CFAP69: variants seen among roughly 807,000 people sequenced by gnomAD.
CFAP69 encodes the protein cilia- and flagella-associated protein 69.
CFAP69 carries 92 observed loss-of-function variants against 123.0 expected under a neutral mutation model. The ratio of observed to expected loss-of-function variants is 0.75; its 90% confidence interval spans 0.63 to 0.89. The LOEUF (loss-of-function observed/expected upper bound fraction) is 0.89, where lower values mean the gene tolerates loss of function less well. Ranked by LOEUF, CFAP69 falls within the 40% of genes least tolerant of loss-of-function variation. The pLI is 0.00. For missense variants in CFAP69, 1,067 were observed against 1,096.9 expected (o/e 0.97, Z 0.39); for synonymous variants, 380 against 364.3 (o/e 1.04, Z -0.49).
At chr7:90,278,559 G>A (rs932109993) in intron 11 of CFAP69, among the ~76,000 whole-genome samples, 2 of 151,830 alleles carry the variant, frequency 1.3e-5, no homozygotes, top group Non-Finnish European at 2.9e-5. Context: ...ATTAAAATTA[G>A]ACCTATAAAG....
chr7:90,300,494 A>C, intron 17 of CFAP69: 4 of 747,978 alleles, frequency 5.3e-6, no homozygotes, highest in Non-Finnish European at 6.5e-6. Flanking sequence ...TATAGAGTTT[A>C]CTTTTTATAT....
intron 4 of CFAP69, among the ~76,000 whole-genome samples, chr7:90,263,558 T>C (rs568913841): frequency 1.3e-5 from 2 of 152,116 alleles, no homozygotes; most frequent in Non-Finnish European, 1.5e-5. Flanking sequence ...AGTTTTAGAG[T>C]CCTTCACTTT....
intron 15 of CFAP69, among the ~76,000 whole-genome samples, chr7:90,293,715 T>C (rs1051780027): frequency 1.3e-5 from 2 of 152,230 alleles, no homozygotes; most frequent in African/African-American, 4.8e-5. Flanking sequence ...TGGCAACTTT[T>C]GCTTTTGGCA....
downstream of CFAP69, among the ~76,000 whole-genome samples, chr7:90,314,276 AT>A (rs1448539933): frequency 7.2e-5 from 11 of 152,148 alleles, no homozygotes; most frequent in African/African-American, 2.7e-4. Flanking sequence ...TTAATATTGT[AT>A]TGGTTTCAGT....
chr7:90,303,891 TA>T (rs1162488070), intron 17 of CFAP69, 77 bp from the exon 18 acceptor site: 5 of 1,415,342 alleles, frequency 3.5e-6, no homozygotes, highest in African/African-American at 1.5e-5. Flanking sequence ...TTATCTAGAC[TA>T]AAATCTCAAA....
chr7:90,323,395 G>T, the CFAP69 span, among the ~76,000 whole-genome samples: 1 of 152,134 alleles, frequency 6.6e-6, no homozygotes, highest in African/African-American at 2.4e-5. Context: ...AGAGAAGGAA[G>T]AGAGGAAAGT....
chr7:90,297,955 G>C (rs1021785170), intron 16 of CFAP69, 125 bp downstream of exon 16: 1 of 609,910 alleles, frequency 1.6e-6, no homozygotes, highest in Non-Finnish European at 2.8e-6. Flanking sequence ...TCAAAGGTAC[G>C]GTCTTAAACA....
In CFAP69 at chr7:90,277,272, G is replaced by A; in HGVS notation, c.1093G>A (p.Glu365Lys). 1 of 1,594,030 alleles carries A rather than the reference G, an allele frequency of 6.3e-7. No individual in the cohort carries two copies. The highest frequency in any genetic ancestry group is 8.5e-7 in the Non-Finnish European group (1 of 1,171,176). ...GCTTTCTAATTCCTATGAAGATTTTGAGTTGAAGAAATTACTATTCAACGT... is the reference window on the plus strand; with the variant it reads ...GCTTTCTAATTCCTATGAAGATTTTAAGTTGAAGAAATTACTATTCAACGT... ...LKLSNSYEDF[E>K]LKKLLFNVIV... The change falls in exon 11 of 23, where the codon GAG becomes AAG. Residue 365 changes from glutamate (E) to lysine (K), a missense_variant. By Grantham distance (56) the Glu-to-Lys change is moderately conservative. Transcript: ENST00000389297.
At chr7:90,306,003 C>G (rs1325092526) in intron 19 of CFAP69, among the ~76,000 whole-genome samples, 2 of 142,870 alleles carry the variant, frequency 1.4e-5, no homozygotes, top group Admixed American at 7.2e-5. Context: ...AGTGCAGTTG[C>G]ATGATCACAG....
At chr7:90,255,311 C>T (rs1797511695) in intron 1 of CFAP69, 112 bp from the exon 2 acceptor site, 1 of 796,020 alleles carries the variant, frequency 1.3e-6, no homozygotes, top group Non-Finnish European at 2.1e-6. Context: ...ATCGTAGTGT[C>T]ATAAAACATT....
chr7:90,304,015 C>T lies in CFAP69; in HGVS notation c.2097C>T (p.Ile699=), dbSNP rs749795231. 2.6e-6 allele frequency: 4 copies of T among 1,550,922 alleles called. No homozygotes were observed. The African/African-American group carries it at 4.1e-5, about 16-fold the overall frequency. Residue 699 remains isoleucine (I), a synonymous_variant, in exon 18 of 23, where the codon ATC becomes ATT. Coordinates refer to ENST00000389297, the MANE Select transcript of CFAP69 (RefSeq NM_001039706.3). ...CTAGCTTTCAAGAAGAGCAAAAAAT[C>T]ATCCCACTGCCTGCTAACTGCCCAT... ...LFTSFQEEQK[I]IPLPANCPSI... is the part of the protein sequence containing the mutation.
chr7:90,281,885 ACTC>A (rs1359785012), intron 12 of CFAP69, among the ~76,000 whole-genome samples: 1 of 152,126 alleles, frequency 6.6e-6, no homozygotes, highest in Non-Finnish European at 1.5e-5. Flanking sequence ...TTCATAAAGA[ACTC>A]CTATATATCA....
At chr7:90,248,859 G>T (rs564750612) in intron 1 of CFAP69, among the ~76,000 whole-genome samples, 2 of 152,194 alleles carry the variant, frequency 1.3e-5, no homozygotes, top group East Asian at 3.9e-4. Flanking sequence ...CCCTTTCTGT[G>T]TCTGTTTCCT....
In CFAP69 at chr7:90,274,115, G is replaced by T; in HGVS notation, c.984+5G>T. 6.3e-7 allele frequency: 1 copy of T among 1,592,602 alleles called. No individual in the cohort carries two copies. The highest frequency in any genetic ancestry group is 1.4e-5 in the African/African-American group (1 of 73,406). On this transcript the variant is annotated splice_donor_5th_base_variant and intron_variant, in intron 9 of 22. Coordinates refer to ENST00000389297, the MANE Select transcript of CFAP69 (RefSeq NM_001039706.3). Reference sequence around the variant, plus strand: ...AATCCTGAAGCACCAATGATTGTAAGTATGAATCAAATTGCATTAATTTTA... The same window carrying T: ...AATCCTGAAGCACCAATGATTGTAATTATGAATCAAATTGCATTAATTTTA...
rs1799410082 is a variant in CFAP69, at chr7:90,268,091, G to A, written c.434-195G>A. ...TTGAGGGGCCAAATGTATAAGGATG[G>A]ATTCAGGGTACTGTTTATATGTATG... On this transcript the variant is annotated intron_variant, in intron 5 of 22. Coordinates refer to ENST00000389297, the MANE Select transcript of CFAP69 (RefSeq NM_001039706.3). Among the ~76,000 whole-genome samples, 4 of 152,142 alleles carry A rather than the reference G, an allele frequency of 2.6e-5. No individual in the cohort carries two copies. The South Asian group carries it at 8.3e-4, about 32-fold the overall frequency.
In CFAP69 at chr7:90,297,797, G is replaced by A. The variant is rs199707763; in HGVS notation, c.1824G>A (p.Lys608=). 1 of 1,574,126 alleles carries A rather than the reference G, an allele frequency of 6.4e-7. No individual in the cohort carries two copies. The change falls in exon 16 of 23, where the codon AAG becomes AAA. Residue 608 remains lysine, a synonymous_variant. Transcript: ENST00000389297. ...CYPSEDYFLE[K]EGIFLLLDLL... ...CCTCAGAGGATTATTTTCTTGAAAAGGAAGGCATTTTTCTCCTTTTGGATT... is the reference window on the plus strand; with the variant it reads ...CCTCAGAGGATTATTTTCTTGAAAAAGAAGGCATTTTTCTCCTTTTGGATT...
At chr7:90,298,783 T>C (rs1479884080) in intron 16 of CFAP69, among the ~76,000 whole-genome samples, 3 of 152,302 alleles carry the variant, frequency 2.0e-5, no homozygotes, top group East Asian at 3.9e-4. Flanking sequence ...ACATGATTCC[T>C]GTATTTACTG....
At chr7:90,249,356 G>C (rs982380256) in intron 1 of CFAP69, among the ~76,000 whole-genome samples, 1 of 152,174 alleles carries the variant, frequency 6.6e-6, no homozygotes, top group Non-Finnish European at 1.5e-5. Context: ...GGAACTGTGA[G>C]TCAATTAAAC....
intron 11 of CFAP69, 104 bp from the exon 12 acceptor site, chr7:90,279,573 T>C: frequency 1.5e-6 from 1 of 647,280 alleles, no homozygotes. Context: ...GGAATTATTT[T>C]GAAATAATCC....
Sources: gnomAD v4.1 joint callset for allele counts (sites outside exome capture counted in the v4.1 genomes callset) on GRCh38, gnomAD v4.1.1 for gene constraint, MANE v1.5 for transcripts, NCBI Gene and HGNC (gene_info 2026-07-23, HGNC 2026-07-21) for gene names.